The following MLLT10 variants were observed in gnomAD, a reference collection of about 807,000 sequenced individuals.
MLLT10 encodes the protein protein AF-10.
MLLT10 carries 30 observed loss-of-function variants against 129.1 expected under a neutral mutation model. That is an observed-to-expected ratio of 0.23 (90% CI 0.17 to 0.32). MLLT10 has a LOEUF of 0.32. Ranked by LOEUF, MLLT10 falls within the 10% of genes least tolerant of loss-of-function variation. The pLI is 1.00. For synonymous variants in MLLT10, 490 were observed against 446.4 expected (o/e 1.10, Z -1.23); for missense variants, 1,119 against 1,268.3 (o/e 0.88, Z 1.79).
At chr10:21,687,941 G>A (rs937518555) in intron 13 of MLLT10, among the ~76,000 whole-genome samples, 1 of 152,164 alleles carries the variant, frequency 6.6e-6, no homozygotes, top group Non-Finnish European at 1.5e-5. Flanking sequence ...TTATAATAAG[G>A]TAGTATAAGA....
intron 13 of MLLT10, among the ~76,000 whole-genome samples, chr10:21,689,588 T>TAC (rs1190305461): frequency 2.3e-5 from 3 of 130,432 alleles, no homozygotes; most frequent in African/African-American, 8.3e-5. Context: ...TATATATATA[T>TAC]AGCGTGTGTG....
intron 3 of MLLT10, among the ~76,000 whole-genome samples, chr10:21,579,212 G>T (rs1454918349): frequency 6.6e-6 from 1 of 152,128 alleles, no homozygotes; most frequent in Non-Finnish European, 1.5e-5. Flanking sequence ...TTTATGATGA[G>T]AAATCTGCCA....
intron 14 of MLLT10, among the ~76,000 whole-genome samples, chr10:21,714,843 A>G (rs1171759288): frequency 6.6e-6 from 1 of 152,256 alleles, no homozygotes; most frequent in Non-Finnish European, 1.5e-5. Flanking sequence ...AGATGTTTTA[A>G]AAGAGTCATA....
At chr10:21,612,875 G>A (rs1439831112) in intron 6 of MLLT10, among the ~76,000 whole-genome samples, 2 of 152,074 alleles carry the variant, frequency 1.3e-5, no homozygotes, top group Admixed American at 1.3e-4. Context: ...ATATTACAAT[G>A]GCGACTTCAC....
chr10:21,737,153 A>G (rs901617367), intron 21 of MLLT10, among the ~76,000 whole-genome samples: 2 of 152,246 alleles, frequency 1.3e-5, no homozygotes, highest in Non-Finnish European at 2.9e-5. Context: ...ACTGGAGCCC[A>G]GGAGGTTGAG....
At position 21,676,720 on chromosome 10, in the gene MLLT10, CAAAAAAAAAAAAAAAAAAAAAAAA is replaced by C. The variant is rs56000691; in HGVS notation, c.1621+2814_1621+2837del. Among the ~76,000 whole-genome samples the C allele has an allele frequency of 4.1e-4, 13 of 32,012 alleles. No homozygotes were observed. The East Asian group carries it at 0.015, about 36-fold the overall frequency. 21.0% of individuals were successfully genotyped at this position (32,012 alleles called of 152,430 possible). ...TGGGAGACAGAGCGAGACTCCATCT[CAAAAAAAAAAAAAAAAAAAAAAAA>C]AAAAAAAAAAAATTACTCTGAAGAT... On this transcript the variant is annotated intron_variant, in intron 11 of 22. Transcript: ENST00000307729.
intron 8 of MLLT10, among the ~76,000 whole-genome samples, chr10:21,639,995 T>G (rs953259378): frequency 4.6e-5 from 7 of 151,726 alleles, no homozygotes; most frequent in Non-Finnish European, 1.0e-4. Flanking sequence ...GACTGTCATT[T>G]CACCTTTGTT....
chr10:21,564,474 A>G (rs1449176117), intron 3 of MLLT10: 1 of 149,928 alleles, frequency 6.7e-6, no homozygotes, highest in Non-Finnish European at 1.5e-5. Context: ...TTTTTCTTTT[A>G]ATATGGAACA....
intron 13 of MLLT10, among the ~76,000 whole-genome samples, chr10:21,690,227 T>C (rs1164516153): frequency 6.6e-6 from 1 of 151,988 alleles, no homozygotes; most frequent in Non-Finnish European, 1.5e-5. Context: ...AGGAGTGATA[T>C]TTCATAGATC....
chr10:21,659,365 A>T (rs544958058), intron 9 of MLLT10, among the ~76,000 whole-genome samples: 95 of 152,328 alleles, frequency 6.2e-4, no homozygotes, highest in African/African-American at 2.2e-3. Context: ...CAGAATGACC[A>T]TAAAAAAAGT....
At chr10:21,658,264 T>C (rs1233075777) in intron 9 of MLLT10, among the ~76,000 whole-genome samples, 1 of 152,228 alleles carries the variant, frequency 6.6e-6, no homozygotes, top group Admixed American at 6.5e-5. Flanking sequence ...AATCTCCTTC[T>C]CCCTGAGTTC....
At chr10:21,678,773 G>C (rs2052444986) in intron 11 of MLLT10, among the ~76,000 whole-genome samples, 1 of 152,128 alleles carries the variant, frequency 6.6e-6, no homozygotes, top group South Asian at 2.1e-4. Context: ...ATTCAGCTTG[G>C]CAATGCTAAT....
At chr10:21,726,114 T>C in intron 14 of MLLT10, 130 bp from the exon 15 acceptor site, 1 of 638,302 alleles carries the variant, frequency 1.6e-6, no homozygotes. Context: ...CGAAATTTGC[T>C]TTTCAGAAGG....
intron 3 of MLLT10, among the ~76,000 whole-genome samples, chr10:21,552,967 G>A (rs1186780340): frequency 6.6e-6 from 1 of 151,468 alleles, no homozygotes; most frequent in Admixed American, 6.6e-5. Context: ...CCATCTGCTT[G>A]CTCCCATCTG....
chr10:21,661,791 A>G (rs2050239901), intron 9 of MLLT10: 1 of 152,190 alleles, frequency 6.6e-6, no homozygotes, highest in Admixed American at 6.5e-5. Flanking sequence ...GGTTTCCTGT[A>G]GACAACATGT....
intron 13 of MLLT10, among the ~76,000 whole-genome samples, chr10:21,692,793 G>C (rs753407464): frequency 6.6e-6 from 1 of 151,974 alleles, no homozygotes; most frequent in Non-Finnish European, 1.5e-5. Context: ...GGCCATAATG[G>C]TTATATTAAA....
In MLLT10 at chr10:21,651,688, GACAAAC is replaced by G. The variant is rs761168206; in HGVS notation, c.723_728del (p.His241_Lys242del). ...TCGTTTTTAGAAATATAAAGAGAAG[GACAAAC>G]ACAAACAGAAACACAAGAAGCAGCC... is the stretch of plus-strand genomic sequence containing the variant. On this transcript the variant is annotated inframe_deletion, in exon 9 of 23. Coordinates refer to ENST00000307729, the MANE Select transcript of MLLT10 (RefSeq NM_001195626.3). 1 of 1,612,758 alleles carries G rather than the reference GACAAAC, an allele frequency of 6.2e-7. No homozygotes were observed. Among genetic ancestry groups the G allele is most frequent in the Non-Finnish European group, 8.5e-7 (1 of 1,179,214 alleles).
chr10:21,625,816 T>C, intron 8 of MLLT10: 1 of 771,342 alleles, frequency 1.3e-6, no homozygotes, highest in African/African-American at 1.7e-5. Flanking sequence ...AAGTGGTAAA[T>C]GCCTACCCTC....
At chr10:21,649,948 A>G (rs908050412) in intron 8 of MLLT10, among the ~76,000 whole-genome samples, 4 of 152,206 alleles carry the variant, frequency 2.6e-5, no homozygotes, top group African/African-American at 9.7e-5. Flanking sequence ...TATCTGCCAC[A>G]ATCAAAATAA....
Sources: gnomAD v4.1 joint callset for allele counts (sites outside exome capture counted in the v4.1 genomes callset) on GRCh38, gnomAD v4.1.1 for gene constraint, MANE v1.5 for transcripts, NCBI Gene and HGNC (gene_info 2026-07-23, HGNC 2026-07-21) for gene names.